The following SCLT1 variants were observed in gnomAD, a reference collection of about 807,000 sequenced individuals.
SCLT1 encodes sodium channel-associated protein 1.
A neutral mutation model predicts 112.8 loss-of-function variants in SCLT1; 78 were observed. The ratio of observed to expected loss-of-function variants is 0.69; its 90% CI spans 0.58 to 0.83. The LOEUF (loss-of-function observed/expected upper bound fraction) is 0.83. SCLT1 is among the 40% of genes least tolerant of loss of function. SCLT1 has a pLI of 0.00. For missense variants in SCLT1, 747 were observed against 770.4 expected, an observed-to-expected ratio of 0.97 and a Z score of 0.36; for synonymous variants, 257 against 254.7, an observed-to-expected ratio of 1.01 and a Z score of -0.09.
intron 5 of SCLT1, among the ~76,000 whole-genome samples, chr4:129,031,270 G>A (rs1376379379): frequency 2.0e-5 from 3 of 152,050 alleles, no homozygotes; most frequent in Non-Finnish European, 4.4e-5. Context: ...CATCCTTCAT[G>A]CTAAAAACTC....
intron 5 of SCLT1, among the ~76,000 whole-genome samples, chr4:129,028,009 G>A: frequency 6.6e-6 from 1 of 152,138 alleles, no homozygotes; most frequent in Non-Finnish European, 1.5e-5. Flanking sequence ...ACAAACCACT[G>A]CTCAATGAAA....
At position 129,044,038 on chromosome 4, in the gene SCLT1, T is replaced by C; in HGVS notation, c.116A>G (p.Gln39Arg). 1 of 1,566,394 alleles carries C rather than the reference T, an allele frequency of 6.4e-7. No individual in the cohort carries two copies. The highest frequency in any genetic ancestry group is 8.8e-7 in the Non-Finnish European group (1 of 1,142,116). Residue 39 changes from glutamine to arginine, a missense_variant, in exon 3 of 21, where the codon CAA becomes CGA. By Grantham distance (43) the Gln-to-Arg change is conservative. Around this residue, in one of 2 missense-constraint regions of SCLT1, gnomAD observed 723 missense variants for 721.3 expected, o/e 1.00. Coordinates refer to ENST00000281142, the MANE Select transcript of SCLT1 (RefSeq NM_144643.4). The stretch of plus-strand genomic sequence containing the variant: ...TTCAAATGTGTCGTCTCCTTCTCCT[T>C]GGCAGACAGCTTTCTATAAAAGAAT... ...KYSSVQKAVCQGEGDDTFENL... is the reference protein window; with the variant it reads ...KYSSVQKAVCRGEGDDTFENL...
Position 129,093,137 on chromosome 4 carries a change from C to A in SCLT1, c.-34G>T, listed in dbSNP as rs1481611308. 2 of 1,605,030 alleles carry A rather than the reference C, an allele frequency of 1.2e-6. No individual in the cohort carries two copies. The highest frequency in any genetic ancestry group is 1.7e-6 in the Non-Finnish European group (2 of 1,171,894). On this transcript the variant is annotated 5_prime_UTR_variant, in exon 1 of 21. In the 5' UTR this introduces an upstream ATG that the reference lacks. Coordinates refer to ENST00000281142, the MANE Select transcript of SCLT1 (RefSeq NM_144643.4). ...AATTTTAGTTTAGAGCTTTCACCAC[C>A]TTTACCTTCCTCTGAAAGACAGAGA...
chr4:128,899,859 C>G (rs1176439430), intron 18 of SCLT1, among the ~76,000 whole-genome samples: 2 of 152,148 alleles, frequency 1.3e-5, no homozygotes, highest in African/African-American at 2.4e-5. Flanking sequence ...GCAAAAATCA[C>G]AAGAATTCTT....
intron 18 of SCLT1, among the ~76,000 whole-genome samples, chr4:128,934,838 A>G (rs1049918895): frequency 6.6e-5 from 10 of 151,898 alleles, no homozygotes; most frequent in African/African-American, 2.4e-4. Context: ...GGACTCCAGT[A>G]CAAAGATCAA....
intron 5 of SCLT1, among the ~76,000 whole-genome samples, chr4:129,008,126 G>A (rs898223987): frequency 2.0e-5 from 3 of 151,908 alleles, no homozygotes; most frequent in Non-Finnish European, 4.4e-5. Context: ...GTTTATACTC[G>A]TTAGATTTTC....
In SCLT1 at chr4:129,003,817, G is replaced by T; in HGVS notation, c.350C>A (p.Thr117Lys). The T allele has an allele frequency of 6.2e-7, 1 of 1,611,564 alleles. No individual in the cohort carries two copies. Among genetic ancestry groups the T allele is most frequent in the South Asian group, 1.1e-5 (1 of 90,846 alleles). Residue 117 changes from threonine (T) to lysine (K), a missense_variant, in exon 6 of 21, where the codon ACA becomes AAA. Thr to Lys is a moderately conservative substitution (Grantham distance 78, BLOSUM62 -1). Coordinates refer to ENST00000281142, the MANE Select transcript of SCLT1 (RefSeq NM_144643.4). ...EKKLEAFPLG[T>K]EVGTDIYADD... ...TGCATATATGTCAGTTCCTACCTCT[G>T]TGCCCAGGGGAAAGGCCTCCAATTT...
intron 12 of SCLT1, 138 bp downstream of exon 12, chr4:128,959,462 T>C (rs1429228664): frequency 7.8e-6 from 5 of 644,260 alleles, no homozygotes; most frequent in Non-Finnish European, 2.7e-6. Flanking sequence ...TCCAAGAATA[T>C]GGATGATTAC....
intron 2 of SCLT1, among the ~76,000 whole-genome samples, chr4:129,081,193 T>C (rs552163101): frequency 6.6e-6 from 1 of 152,342 alleles, no homozygotes; most frequent in Non-Finnish European, 1.5e-5. Context: ...GCCACTGCTA[T>C]ACTTCTTATT....
chr4:128,989,824 T>C (rs974984541), intron 9 of SCLT1, among the ~76,000 whole-genome samples: 3 of 151,794 alleles, frequency 2.0e-5, no homozygotes, highest in African/African-American at 7.2e-5. Flanking sequence ...TATGAGCAAC[T>C]ATATGCCAAT....
chr4:128,947,194 C>T (rs1738244253), intron 15 of SCLT1, among the ~76,000 whole-genome samples: 1 of 152,214 alleles, frequency 6.6e-6, no homozygotes, highest in Non-Finnish European at 1.5e-5. Flanking sequence ...GCTGTGCTTT[C>T]TCTTTACCTG....
chr4:129,064,577 T>C (rs1238441887), intron 2 of SCLT1, among the ~76,000 whole-genome samples: 4 of 152,186 alleles, frequency 2.6e-5, no homozygotes, highest in South Asian at 2.1e-4. Flanking sequence ...GTTTTACATA[T>C]AATGTTCAAT....
At chr4:129,029,433 AACCAAAC>A in intron 5 of SCLT1, among the ~76,000 whole-genome samples, 1 of 151,950 alleles carries the variant, frequency 6.6e-6, no homozygotes, top group Non-Finnish European at 1.5e-5. Flanking sequence ...AAGGACAAAA[AACCAAAC>A]ACCGCATGTT....
chr4:129,010,628 A>C (rs1744436655), intron 5 of SCLT1, among the ~76,000 whole-genome samples: 1 of 152,030 alleles, frequency 6.6e-6, no homozygotes, highest in South Asian at 2.1e-4. Context: ...GAGATCTTTC[A>C]CCTTCCTAGT....
intron 5 of SCLT1, chr4:129,038,154 T>C (rs1747358208): frequency 6.5e-6 from 1 of 153,652 alleles, no homozygotes; most frequent in Non-Finnish European, 1.5e-5. Flanking sequence ...GTCAACAATA[T>C]TAGTATTCAG....
chr4:129,025,107 C>T (rs1359028332), intron 5 of SCLT1, among the ~76,000 whole-genome samples: 1 of 152,118 alleles, frequency 6.6e-6, no homozygotes, highest in Non-Finnish European at 1.5e-5. Flanking sequence ...AGAATGGAAC[C>T]AAGTTGGAAA....
At chr4:128,973,650 C>A (rs1728758742) in intron 9 of SCLT1, among the ~76,000 whole-genome samples, 1 of 151,570 alleles carries the variant, frequency 6.6e-6, no homozygotes, top group Admixed American at 6.6e-5. Flanking sequence ...ACAATTATTC[C>A]AAATATATAT....
intron 17 of SCLT1, among the ~76,000 whole-genome samples, chr4:128,937,795 C>A (rs2125983430): frequency 1.3e-5 from 2 of 152,278 alleles, no homozygotes; most frequent in South Asian, 4.1e-4. Context: ...GCAGCATGAA[C>A]TTATAAGTAA....
intron 5 of SCLT1, among the ~76,000 whole-genome samples, chr4:129,028,536 T>A (rs1746356764): frequency 6.6e-6 from 1 of 152,118 alleles, no homozygotes; most frequent in African/African-American, 2.4e-5. Context: ...TCAAGATGGA[T>A]TAAAGACTTA....
Sources: gnomAD v4.1 joint callset for allele counts (sites outside exome capture counted in the v4.1 genomes callset) on GRCh38, gnomAD v4.1.1 for gene constraint, gnomAD v4.1.1 regional missense constraint, MANE v1.5 for transcripts, NCBI Gene and HGNC (gene_info 2026-07-23, HGNC 2026-07-21) for gene names.